The following MERTK variants were observed in gnomAD, a reference collection of about 807,000 sequenced individuals.
The protein encoded by MERTK is tyrosine-protein kinase Mer.
Under a neutral mutation model 99.3 loss-of-function variants are expected in MERTK, and 69 were observed. That is an observed-to-expected ratio of 0.70 (90% CI 0.57 to 0.85). MERTK has a LOEUF of 0.85. MERTK is among the 40% of genes least tolerant of loss of function. The probability of loss-of-function intolerance (pLI) is 0.00; values close to 1 mark genes in which losing one functional copy is unlikely to be tolerated. For synonymous variants in MERTK, 426 were observed against 467.6 expected (o/e 0.91, Z 1.15); for missense variants, 1,125 against 1,249.4 (o/e 0.90, Z 1.50).
At chr2:111,970,144 A>T (rs1282008935) in intron 6 of MERTK, among the ~76,000 whole-genome samples, 1 of 147,776 alleles carries the variant, frequency 6.8e-6, no homozygotes, top group African/African-American at 2.5e-5. Context: ...CCTTTTTTTG[A>T]GATATAGTTT....
chr2:111,919,662 A>G (rs1227533304), intron 1 of MERTK, among the ~76,000 whole-genome samples: 7 of 152,026 alleles, frequency 4.6e-5, no homozygotes, highest in Admixed American at 3.9e-4. Flanking sequence ...AGTGGGGGAC[A>G]GGCTGAAAGG....
chr2:111,990,967 A>G (rs1676603957), intron 8 of MERTK, among the ~76,000 whole-genome samples: 1 of 152,180 alleles, frequency 6.6e-6, no homozygotes. Context: ...TAAGTGAGGT[A>G]TCATATTTGA....
intron 4 of MERTK, among the ~76,000 whole-genome samples, chr2:111,964,401 G>A (rs923167630): frequency 1.4e-5 from 1 of 73,044 alleles, no homozygotes; most frequent in African/African-American, 5.0e-5. Flanking sequence ...GTGTGTGTGC[G>A]CGCGCGCACG....
rs1677527523 is a variant in MERTK, at chr2:112,028,982, A to G, written c.*118A>G. On this transcript the variant is annotated 3_prime_UTR_variant, in exon 19 of 19. Transcript: ENST00000295408. ...TTACCAAGTGAACTCCATGGCCCCA[A>G]AGCACCAGATGAATGTTGTTAAGTA... The G allele has an allele frequency of 4.4e-6, 7 of 1,585,556 alleles. No homozygotes were observed. In the South Asian group the frequency reaches 8.0e-5, roughly 18 times the overall value.
intron 4 of MERTK, among the ~76,000 whole-genome samples, chr2:111,964,860 T>C (rs1685332040): frequency 6.6e-6 from 1 of 152,202 alleles, no homozygotes; most frequent in African/African-American, 2.4e-5. Flanking sequence ...CAGGATCAGG[T>C]GAGCCTCAGA....
intron 1 of MERTK, among the ~76,000 whole-genome samples, chr2:111,899,901 G>C (rs1317594120): frequency 6.6e-6 from 1 of 151,976 alleles, no homozygotes; most frequent in Non-Finnish European, 1.5e-5. Context: ...AGCTTATTTG[G>C]GGAGTGAGTG....
At chr2:111,938,647 C>T (rs748338095) in intron 2 of MERTK, among the ~76,000 whole-genome samples, 1 of 152,238 alleles carries the variant, frequency 6.6e-6, no homozygotes, top group Non-Finnish European at 1.5e-5. Context: ...CCTGTCTAGA[C>T]ACCATGGCTG....
Position 111,968,181 on chromosome 2 carries a change from G to A in MERTK, c.889G>A (p.Ala297Thr). The change falls in exon 6 of 19, where the codon GCA becomes ACA. Residue 297 changes from alanine (A) to threonine (T), a missense_variant. By Grantham distance (58) the Ala-to-Thr change is moderately conservative. Coordinates refer to ENST00000295408, the MANE Select transcript of MERTK (RefSeq NM_006343.3). ...PTEVSIRNSTAHSILISWVPG... is the reference protein window; with the variant it reads ...PTEVSIRNSTTHSILISWVPG... ...TGAAGTCAGCATCCGTAACAGCACT[G>A]CACACAGCATTCTGATCTCCTGGGT... 1 of 1,613,948 alleles carries A rather than the reference G, an allele frequency of 6.2e-7. No individual in the cohort carries two copies. The highest frequency in any genetic ancestry group is 8.5e-7 in the Non-Finnish European group (1 of 1,179,970).
At chr2:111,906,079 C>T (rs201442929) in intron 1 of MERTK, among the ~76,000 whole-genome samples, 8 of 152,208 alleles carry the variant, frequency 5.3e-5, no homozygotes, top group Admixed American at 5.2e-4. Context: ...TACTCTGTGC[C>T]TCCATGTATT....
At position 111,946,443 on chromosome 2, in the gene MERTK, G is replaced by A. The variant is rs1269074608; in HGVS notation, c.584-951G>A. On this transcript the variant is annotated intron_variant, in intron 3 of 18. Coordinates refer to ENST00000295408, the MANE Select transcript of MERTK (RefSeq NM_006343.3). The stretch of plus-strand genomic sequence containing the variant: ...AATCCCCAAAAGAACACAATTAGCT[G>A]GACTCGTTATATTTTTGAACACCTG... Among the ~76,000 whole-genome samples, 5 of 152,096 alleles carry A rather than the reference G, an allele frequency of 3.3e-5. No homozygotes were observed. In the East Asian group the frequency reaches 9.6e-4, roughly 29 times the overall value.
At chr2:111,997,253 T>C in intron 9 of MERTK, 70 bp from the exon 10 acceptor site, 1 of 1,521,052 alleles carries the variant, frequency 6.6e-7, no homozygotes. Flanking sequence ...GACTATTTGT[T>C]CTTCCCTGTT....
At chr2:111,987,355 T>A (rs1676501883) in intron 8 of MERTK, among the ~76,000 whole-genome samples, 1 of 152,256 alleles carries the variant, frequency 6.6e-6, no homozygotes, top group South Asian at 2.1e-4. Flanking sequence ...TCTCAAACGA[T>A]GATACCTACC....
At chr2:111,925,864 G>T (rs571075332) in intron 1 of MERTK, among the ~76,000 whole-genome samples, 1 of 148,272 alleles carries the variant, frequency 6.7e-6, no homozygotes, top group African/African-American at 2.5e-5. Flanking sequence ...ACAGAGTCTC[G>T]CTCTGTCCCC....
intron 8 of MERTK, among the ~76,000 whole-genome samples, chr2:111,984,405 C>T (rs1168158688): frequency 1.3e-5 from 2 of 152,128 alleles, no homozygotes; most frequent in Non-Finnish European, 2.9e-5. Flanking sequence ...TAATATTAAC[C>T]ATCGCAGCTT....
At chr2:112,004,629 C>A (rs974690208) in intron 13 of MERTK, among the ~76,000 whole-genome samples, 3 of 152,124 alleles carry the variant, frequency 2.0e-5, no homozygotes, top group South Asian at 2.1e-4. Context: ...GAGGCTTAAC[C>A]AGCCGGGCAC....
intron 13 of MERTK, among the ~76,000 whole-genome samples, chr2:112,005,692 G>T (rs13432863): frequency 0.065 from 9,947 of 152,122 alleles, 389 homozygotes; most frequent in African/African-American, 0.11. Flanking sequence ...ATTATTTGGT[G>T]CTCAGTTTGT....
intron 18 of MERTK, 172 bp downstream of exon 18, chr2:112,022,566 T>C (rs768679886): frequency 1.0e-6 from 1 of 974,730 alleles, no homozygotes; most frequent in Non-Finnish European, 1.6e-6. Context: ...ATTCCTGATG[T>C]GGGAGATAGT....
intron 2 of MERTK, chr2:111,940,341 A>C (rs1459732319): frequency 5.8e-6 from 3 of 516,474 alleles, no homozygotes; most frequent in Non-Finnish European, 1.2e-5. Context: ...CTGTCCTTGC[A>C]TCAGCAATAA....
At chr2:111,968,806 G>A (rs1358811650) in intron 6 of MERTK, among the ~76,000 whole-genome samples, 1 of 152,180 alleles carries the variant, frequency 6.6e-6, no homozygotes, top group African/African-American at 2.4e-5. Context: ...TGGGATTACA[G>A]GCGTGAGCCA....
Sources: allele counts gnomAD v4.1 joint callset (sites outside exome capture counted in the v4.1 genomes callset), GRCh38; gene constraint gnomAD v4.1.1; transcripts MANE v1.5; gene names NCBI Gene and HGNC (gene_info 2026-07-23, HGNC 2026-07-21).